NLGN4X: variants seen among roughly 807,000 people sequenced by gnomAD.
NLGN4X encodes the protein neuroligin-4, X-linked.
NLGN4X carries 3 observed loss-of-function variants against 40.3 expected under a neutral mutation model. The observed-to-expected ratio is 0.07, with a 90% CI of 0.03 to 0.19. The LOEUF (loss-of-function observed/expected upper bound fraction) is 0.19, where lower values mean the gene tolerates loss of function less well. Among genes scored for constraint, NLGN4X ranks in the 10% least tolerant of loss-of-function variants. The probability of loss-of-function intolerance (pLI) is 1.00; values close to 1 mark genes in which losing one functional copy is unlikely to be tolerated. For synonymous variants in NLGN4X, 270 were observed against 306.8 expected, an observed-to-expected ratio of 0.88 and a Z score of 1.25; for missense variants, 382 against 708.3, an observed-to-expected ratio of 0.54 and a Z score of 5.23.
intron 1 of NLGN4X, among the ~76,000 whole-genome samples, chrX:6,199,009 A>C (rs763606752): frequency 3.8e-4 from 42 of 111,920 alleles, no homozygotes; most frequent in African/African-American, 1.3e-3. Context: ...TGACCCCCTA[A>C]ATTTCTAAAC....
chrX:5,893,394 G>T lies in NLGN4X; in HGVS notation c.1874C>A (p.Thr625Asn), dbSNP rs771217116. The T allele has an allele frequency of 5.0e-6, 6 of 1,207,894 alleles. No individual in the cohort carries two copies. In the South Asian group the frequency reaches 1.1e-4, roughly 21 times the overall value. Residue 625 changes from threonine (T) to asparagine (N), a missense_variant, in exon 6 of 6, where the codon ACC becomes AAC. Thr to Asn is a moderately conservative substitution (Grantham distance 65, BLOSUM62 0). Coordinates refer to ENST00000381095, the MANE Select transcript of NLGN4X (RefSeq NM_181332.3). ...PPDMTSFPYG[T>N]RRSPAKIWPT... ...CCATATCTTGGCGGGAGATCGCCGGGTGCCATAGGGAAATGATGTCATGTC... is the reference window on the plus strand; with the variant it reads ...CCATATCTTGGCGGGAGATCGCCGGTTGCCATAGGGAAATGATGTCATGTC...
intron 2 of NLGN4X, among the ~76,000 whole-genome samples, chrX:6,084,417 G>A (rs1198352180): frequency 9.0e-6 from 1 of 111,555 alleles, no homozygotes; most frequent in Non-Finnish European, 1.9e-5. Context: ...GGTTGATGGT[G>A]GGGGTTAACT....
rs1330710986 is a variant in NLGN4X at position 6,032,276 on chromosome X, T to C, written c.473-2844A>G. On this transcript the variant is annotated intron_variant, in intron 2 of 5. Transcript: ENST00000381095. ...TCTAAGGTGCTGTACAGTTTTGTAG[T>C]TCATAAAAATAATTAAGAAGACCAA... Among the ~76,000 whole-genome samples, 17 of 97,436 alleles carry C rather than the reference T, an allele frequency of 1.7e-4. No individual in the cohort carries two copies. The Admixed American group carries it at 1.8e-3, about 10-fold the overall frequency. The allele number at this position is 97,436 out of a possible 115,157, so 84.6% of individuals were successfully genotyped here.
intron 2 of NLGN4X, among the ~76,000 whole-genome samples, chrX:6,100,464 G>A (rs1275300894): frequency 1.8e-5 from 2 of 112,579 alleles, no homozygotes; most frequent in Non-Finnish European, 3.7e-5. Context: ...GCAAAGCTAA[G>A]TCAGGGTCTT....
chrX:6,198,031 T>C (rs1033006411), intron 1 of NLGN4X, among the ~76,000 whole-genome samples: 124 of 106,913 alleles, frequency 1.2e-3, no homozygotes, highest in Non-Finnish European at 9.0e-4. Flanking sequence ...GCCACTGCAC[T>C]CCACCCTGGG....
intron 2 of NLGN4X, among the ~76,000 whole-genome samples, chrX:6,103,673 T>C (rs2038970975): frequency 8.9e-6 from 1 of 112,097 alleles, no homozygotes; most frequent in Non-Finnish European, 1.9e-5. Flanking sequence ...TCCTGCTGGG[T>C]AGAGTTACAG....
rs758499818 is a variant in NLGN4X at position 5,998,994 on chromosome X, G to A, written c.625+30286C>T. Among the ~76,000 whole-genome samples, 6 of 111,852 alleles carry A rather than the reference G, an allele frequency of 5.4e-5. No homozygotes were observed. In the South Asian group the frequency reaches 2.3e-3, roughly 42 times the overall value. On this transcript the variant is annotated intron_variant, in intron 3 of 5. Transcript: ENST00000381095. ...CTGCACAATTTGCCCACTCGGTGCT[G>A]TAGAAAGCACTGCACCTCTCTGCTT...
intron 2 of NLGN4X, among the ~76,000 whole-genome samples, chrX:6,140,493 CACA>C (rs2039926273): frequency 1.0e-5 from 1 of 97,955 alleles, no homozygotes; most frequent in Non-Finnish European, 2.1e-5. Flanking sequence ...CACACACACA[CACA>C]CACCACAGAC....
chrX:5,937,432 T>C (rs1465210404), intron 3 of NLGN4X, among the ~76,000 whole-genome samples: 1 of 111,072 alleles, frequency 9.0e-6, no homozygotes, highest in Non-Finnish European at 1.9e-5. Flanking sequence ...TAAAGGACAA[T>C]AGGTAAGACG....
At chrX:6,089,992 T>G (rs755427694) in intron 2 of NLGN4X, among the ~76,000 whole-genome samples, 1 of 111,147 alleles carries the variant, frequency 9.0e-6, no homozygotes, top group South Asian at 3.8e-4. Flanking sequence ...TTAGGAATCA[T>G]GTGCTCCCAA....
intron 1 of NLGN4X, among the ~76,000 whole-genome samples, chrX:6,226,267 T>C (rs1449458253): frequency 5.7e-5 from 6 of 105,870 alleles, no homozygotes; most frequent in Non-Finnish European, 2.0e-5. Context: ...AAAAAGAGGC[T>C]GACACCTGCC....
rs191780779 is a variant in NLGN4X at position 6,112,653 on chromosome X, G to A, written c.472+38342C>T. Among the ~76,000 whole-genome samples the A allele has an allele frequency of 3.2e-3, 338 of 106,292 alleles. 1 individual carries two copies. Among genetic ancestry groups the A allele is most frequent in the African/African-American group, 0.011 (305 of 28,889 alleles). The allele number at this position is 106,292 out of a possible 115,157, so 92.3% of individuals were successfully genotyped here. On this transcript the variant is annotated intron_variant, in intron 2 of 5. Transcript: ENST00000381095. ...GGCTGGAGTGCAATGGCGCGATCTC[G>A]GCTCACTGCAATTTCCTTCTCCCGG...
intron 2 of NLGN4X, chrX:6,032,708 T>G (rs1223677137): frequency 8.4e-7 from 1 of 1,191,879 alleles, no homozygotes; most frequent in Non-Finnish European, 1.1e-6. Context: ...TTCACCACGG[T>G]CATTACTCGT....
chrX:6,197,445 A>ATTTTTTTTTTT (rs1430016429), intron 1 of NLGN4X, among the ~76,000 whole-genome samples: 29 of 86,695 alleles, frequency 3.3e-4, no homozygotes, highest in Non-Finnish European at 5.8e-4. Flanking sequence ...TTTTTTTTGT[A>ATTTTTTTTTTT]TTTTTTATAG....
chrX:5,895,750 T>C (rs920254216), intron 5 of NLGN4X, among the ~76,000 whole-genome samples: 3 of 111,397 alleles, frequency 2.7e-5, no homozygotes, highest in Non-Finnish European at 3.8e-5. Context: ...AGAACAAATA[T>C]ATATAATCTC....
chrX:6,157,253 C>A (rs1276624404), intron 1 of NLGN4X, among the ~76,000 whole-genome samples: 1 of 111,928 alleles, frequency 8.9e-6, no homozygotes, highest in Non-Finnish European at 1.9e-5. Flanking sequence ...CAGGAACATG[C>A]ATGAGCCATA....
chrX:6,028,988 A>G (rs1281829561), intron 3 of NLGN4X, among the ~76,000 whole-genome samples: 1 of 112,766 alleles, frequency 8.9e-6, no homozygotes, highest in East Asian at 2.8e-4. Context: ...GTACAGGTCT[A>G]TGTAGACAAA....
At chrX:5,908,117 A>G (rs1354912065) in intron 4 of NLGN4X, among the ~76,000 whole-genome samples, 2 of 103,847 alleles carry the variant, frequency 1.9e-5, no homozygotes, top group African/African-American at 7.1e-5. Context: ...AGAGCAAAAG[A>G]GAGAGAGGGA....
intron 1 of NLGN4X, among the ~76,000 whole-genome samples, chrX:6,190,092 A>G (rs1273386966): frequency 9.2e-6 from 1 of 109,276 alleles, no homozygotes; most frequent in Non-Finnish European, 1.9e-5. Flanking sequence ...TTTGTATGTT[A>G]ATGATCAAAT....
Sources: allele counts gnomAD v4.1 joint callset (sites outside exome capture counted in the v4.1 genomes callset), GRCh38; gene constraint gnomAD v4.1.1; transcripts MANE v1.5; gene names NCBI Gene and HGNC (gene_info 2026-07-23, HGNC 2026-07-21).